STEEP1: variants seen among roughly 807,000 people sequenced by gnomAD.
The protein encoded by STEEP1 is STING ER exit protein.
In STEEP1, 3 loss-of-function variants were observed where a neutral mutation model predicts 19.2. The ratio of observed to expected loss-of-function variants is 0.16; its 90% CI spans 0.07 to 0.40. The LOEUF is 0.40. Ranked by LOEUF, STEEP1 falls within the 10% of genes least tolerant of loss-of-function variation. The pLI is 0.99. For synonymous variants in STEEP1, 46 were observed against 63.7 expected (o/e 0.72, Z 1.32); for missense variants, 54 against 177.1 (o/e 0.30, Z 3.94).
chrX:119,547,999 C>A (rs1487168215), intron 2 of STEEP1, among the ~76,000 whole-genome samples: 2 of 109,989 alleles, frequency 1.8e-5, no homozygotes, highest in African/African-American at 3.3e-5. Flanking sequence ...TGGTAAAACC[C>A]CATCTCTACT....
intron 2 of STEEP1, among the ~76,000 whole-genome samples, chrX:119,557,165 A>AAAAAAG (rs1308571646): frequency 3.8e-5 from 4 of 105,965 alleles, no homozygotes; most frequent in Non-Finnish European, 5.9e-5. Context: ...CAAAAAAAAA[A>AAAAAAG]AAAAAAAAGA....
intron 2 of STEEP1, among the ~76,000 whole-genome samples, chrX:119,557,486 A>G (rs1603306678): frequency 1.6e-5 from 1 of 63,429 alleles, no homozygotes; most frequent in Non-Finnish European, 3.4e-5. Context: ...CTCAAAAAAA[A>G]AAAAAAAAAG....
rs186035011 is a variant in STEEP1, at chrX:119,559,194, G to C, written c.242+1074C>G. ...GATCACACCATTGCACTCCAGCCTG[G>C]GCAACAAGAGCGAAACTCCGTCAAA... On this transcript the variant is annotated intron_variant, in intron 2 of 6. Transcript: ENST00000644802. Among the ~76,000 whole-genome samples the C allele has an allele frequency of 4.3e-4, 47 of 108,975 alleles. 1 individual carries two copies. The highest frequency in any genetic ancestry group is 1.6e-3 in the African/African-American group (46 of 29,673). 94.6% of individuals were successfully genotyped at this position (108,975 alleles called of 115,157 possible).
intron 1 of STEEP1, among the ~76,000 whole-genome samples, chrX:119,562,633 G>C (rs764397157): frequency 8.7e-4 from 94 of 108,457 alleles, no homozygotes; most frequent in Non-Finnish European, 1.4e-3. Flanking sequence ...GTTGCAGTGA[G>C]GTGAGATCGC....
intron 2 of STEEP1, among the ~76,000 whole-genome samples, chrX:119,557,155 C>CAAAAAAAAAAAAAAAAA (rs61087266): frequency 2.1e-5 from 1 of 47,772 alleles, no homozygotes; most frequent in Non-Finnish European, 3.8e-5. Flanking sequence ...GACTCTATCT[C>CAAAAAAAAAAAAAAAAA]AAAAAAAAAA....
chrX:119,560,453 AT>A, intron 1 of STEEP1, 68 bp from the exon 2 acceptor site: 1 of 723,300 alleles, frequency 1.4e-6, no homozygotes, highest in African/African-American at 2.1e-5. Context: ...ACTGCAAAAT[AT>A]CCTGAGAAGT....
At chrX:119,557,481 AAAAAAAAAAAAAAAG>A (rs2053289112) in intron 2 of STEEP1, among the ~76,000 whole-genome samples, 1 of 59,046 alleles carries the variant, frequency 1.7e-5, no homozygotes. Context: ...ACCATCTCAA[AAAAAAAAAAAAAAAG>A]AAAAAAGAAA....
In STEEP1 at chrX:119,545,487, C is replaced by T; in HGVS notation, c.260G>A (p.Arg87Gln). Residue 87 changes from arginine to glutamine, a missense_variant, in exon 3 of 7, where the codon CGA becomes CAA. Physicochemically the swap from Arg to Gln is conservative, Grantham distance 43. This residue lies in a region of STEEP1 where 47 missense variants were observed against 118.5 expected (regional missense o/e 0.40). Coordinates refer to ENST00000644802, the MANE Select transcript of STEEP1 (RefSeq NM_022101.4). ...MYLRRPEGIERQYRKKCAKCG... is the reference protein window; with the variant it reads ...MYLRRPEGIEQQYRKKCAKCG... ...CTTTGCACATTTCTTCCTGTACTGTCGTTCAATGCCTTCAGGTCTGCACAG... is the reference window on the plus strand; with the variant it reads ...CTTTGCACATTTCTTCCTGTACTGTTGTTCAATGCCTTCAGGTCTGCACAG... The T allele has an allele frequency of 8.5e-7, 1 of 1,182,898 alleles. No homozygotes were observed.
At chrX:119,556,216 G>C (rs1471374619) in intron 2 of STEEP1, among the ~76,000 whole-genome samples, 1 of 110,906 alleles carries the variant, frequency 9.0e-6, no homozygotes, top group Non-Finnish European at 1.9e-5. Flanking sequence ...CCAAAGCTAA[G>C]TCATATTCAG....
intron 2 of STEEP1, among the ~76,000 whole-genome samples, chrX:119,550,837 G>A (rs2053237337): frequency 9.0e-6 from 1 of 110,556 alleles, no homozygotes; most frequent in South Asian, 3.8e-4. Flanking sequence ...TAATTTTTGT[G>A]TTTTTAGTAG....
intron 5 of STEEP1, among the ~76,000 whole-genome samples, chrX:119,541,981 C>T (rs2053163599): frequency 9.1e-6 from 1 of 109,360 alleles, no homozygotes; most frequent in African/African-American, 3.3e-5. Flanking sequence ...CCAACTCCTT[C>T]GTTTTCATTT....
chrX:119,545,448 A>C lies in STEEP1; in HGVS notation c.284+15T>G. ...CTTGCCTATGCTTGGAGAAACCCAC[A>C]TTGTTAATACTTACTTTGCACATTT... is the stretch of plus-strand genomic sequence containing the variant. On this transcript the variant is annotated intron_variant, in intron 3 of 6. Transcript: ENST00000644802. The C allele has an allele frequency of 8.7e-7, 1 of 1,143,150 alleles. No individual in the cohort carries two copies. Among genetic ancestry groups the C allele is most frequent in the Non-Finnish European group, 1.2e-6 (1 of 834,719 alleles). 94.2% of individuals were successfully genotyped at this position (1,143,150 alleles called of 1,213,427 possible).
intron 4 of STEEP1, among the ~76,000 whole-genome samples, chrX:119,543,906 A>G (rs2053182447): frequency 8.9e-6 from 1 of 112,582 alleles, no homozygotes; most frequent in South Asian, 3.6e-4. Flanking sequence ...GTGAGTAAAA[A>G]CCATACAATT....
intron 2 of STEEP1, among the ~76,000 whole-genome samples, chrX:119,555,622 G>A (rs765452769): frequency 9.0e-6 from 1 of 110,784 alleles, no homozygotes; most frequent in Non-Finnish European, 1.9e-5. Flanking sequence ...AGGATAGACT[G>A]GAGGAGAGCA....
chrX:119,555,621 T>C (rs1363137073), intron 2 of STEEP1, among the ~76,000 whole-genome samples: 1 of 110,590 alleles, frequency 9.0e-6, no homozygotes, highest in Non-Finnish European at 1.9e-5. Flanking sequence ...GAGGATAGAC[T>C]GGAGGAGAGC....
intron 1 of STEEP1, 125 bp downstream of exon 1, chrX:119,565,107 C>G: frequency 9.4e-7 from 1 of 1,059,264 alleles, no homozygotes; most frequent in Non-Finnish European, 1.2e-6. Context: ...AGGATTTAGT[C>G]GGAGAGAGAA....
Position 119,553,660 on chromosome X carries a change from A to G in STEEP1, c.242+6608T>C, listed in dbSNP as rs369327946. On this transcript the variant is annotated intron_variant, in intron 2 of 6. Coordinates refer to ENST00000644802, the MANE Select transcript of STEEP1 (RefSeq NM_022101.4). ...GCACTAATAATATTTTTGGTTCTAT[A>G]TACCCTCTCTGGTCCCACTGGGACT... Among the ~76,000 whole-genome samples, 232 of 111,563 alleles carry G rather than the reference A, an allele frequency of 2.1e-3. 3 individuals carry two copies. Among genetic ancestry groups the G allele is most frequent in the Non-Finnish European group, 3.0e-3 (158 of 53,142 alleles).
chrX:119,558,582 G>A (rs368168305), intron 2 of STEEP1, among the ~76,000 whole-genome samples: 1 of 111,721 alleles, frequency 9.0e-6, no homozygotes, highest in African/African-American at 3.3e-5. Flanking sequence ...CAGACTTCTA[G>A]GATAGTACCT....
intron 5 of STEEP1, among the ~76,000 whole-genome samples, 160 bp downstream of exon 5, chrX:119,542,345 C>T (rs764325435): frequency 1.6e-4 from 17 of 109,537 alleles, no homozygotes; most frequent in African/African-American, 5.3e-4. Flanking sequence ...GGATTACAGG[C>T]GTGAGCCACC....
Sources: allele counts gnomAD v4.1 joint callset (sites outside exome capture counted in the v4.1 genomes callset), GRCh38; gene constraint gnomAD v4.1.1; regional missense constraint gnomAD v4.1.1; transcripts MANE v1.5; gene names NCBI Gene and HGNC (gene_info 2026-07-23, HGNC 2026-07-21).